Variants in MGAM observed in about 807,000 individuals in gnomAD.
The protein encoded by MGAM is maltase-glucoamylase.
A neutral mutation model predicts 358.8 loss-of-function variants in MGAM; 253 were observed. That is an observed-to-expected ratio of 0.71 (90% CI 0.64 to 0.78). The LOEUF is 0.78. Among genes scored for constraint, MGAM ranks in the 30% least tolerant of loss-of-function variants. The pLI is 0.00. For synonymous variants in MGAM, 1,105 were observed against 1,227.1 expected, an observed-to-expected ratio of 0.90 and a Z score of 2.08; for missense variants, 3,080 against 3,432.6, an observed-to-expected ratio of 0.90 and a Z score of 2.57.
intron 2 of MGAM, among the ~76,000 whole-genome samples, chr7:141,989,651 G>A (rs1554446885): frequency 6.6e-6 from 1 of 151,844 alleles, no homozygotes; most frequent in Non-Finnish European, 1.5e-5. Flanking sequence ...AAACTCCTGG[G>A]CTCAAGTGAT....
chr7:142,059,183 C>A (rs1286166207), intron 31 of MGAM, among the ~76,000 whole-genome samples: 1 of 152,232 alleles, frequency 6.6e-6, no homozygotes, highest in Admixed American at 6.5e-5. Context: ...TGGCAGTTTA[C>A]AAAGCACTTT....
intron 22 of MGAM, among the ~76,000 whole-genome samples, chr7:142,048,418 G>C (rs1423619800): frequency 6.6e-6 from 1 of 151,366 alleles, no homozygotes; most frequent in Non-Finnish European, 1.5e-5. Flanking sequence ...AAAGTGCTGG[G>C]ATTACAGGCA....
chr7:142,053,015 T>C (rs770918861), intron 26 of MGAM, 31 bp downstream of exon 26: 2 of 1,605,960 alleles, frequency 1.2e-6, no homozygotes, highest in South Asian at 2.2e-5. Context: ...AGGTAGTGAT[T>C]AGACCCTTTT....
At position 142,086,238 on chromosome 7, in the gene MGAM, T is replaced by C. The variant is rs750995331; in HGVS notation, c.6657T>C (p.Asn2219=). 3 of 1,540,290 alleles carry C rather than the reference T, an allele frequency of 1.9e-6. No individual in the cohort carries two copies. The highest frequency in any genetic ancestry group is 3.6e-5 in the Admixed American group (2 of 56,284). ...TTCAGGATCCAGCCATTTCTGGCAA[T>C]GAGACACAGCCCTATCCTGCCTTCA... The part of the protein sequence containing the change: ...ILILDPAISG[N]ETQPYPAFTR... Residue 2219 remains asparagine (N), a synonymous_variant, in exon 56 of 71, where the codon AAT becomes AAC. Coordinates refer to ENST00000475668, the MANE Select transcript of MGAM (RefSeq NM_001365693.1).
chr7:142,083,221 A>AG lies in MGAM; in HGVS notation c.6269-80_6269-79insG, dbSNP rs201211464. 9,643 of 1,118,496 alleles carry AG rather than the reference A, an allele frequency of 8.6e-3. 1,152 individuals are homozygous for AG. The highest frequency in any genetic ancestry group is 0.079 in the South Asian group (5,526 of 70,090). 69.3% of individuals were successfully genotyped at this position (1,118,496 alleles called of 1,614,324 possible). On this transcript the variant is annotated intron_variant, in intron 52 of 70. Transcript: ENST00000475668. ...ACTCTACGATAGGGAGGGTGCAGGA[A>AG]ATAGAGAATGTGTGGATTTCAGGGG... is the stretch of plus-strand genomic sequence containing the variant.
chr7:142,046,089 T>C (rs1465229275), intron 21 of MGAM, among the ~76,000 whole-genome samples: 1 of 120,770 alleles, frequency 8.3e-6, no homozygotes, highest in Non-Finnish European at 1.8e-5. Flanking sequence ...AATTTATATG[T>C]GTAATTATAT....
intron 1 of MGAM, 118 bp from the exon 2 acceptor site, chr7:142,005,411 A>G (rs1399899261): frequency 4.4e-6 from 3 of 682,884 alleles, no homozygotes; most frequent in Non-Finnish European, 6.9e-6. Flanking sequence ...TAGATAATGG[A>G]TGCTTGGGAG....
rs1200335769 is a variant in MGAM, at chr7:142,025,088, G to T, written c.921G>T (p.Leu307Phe). ...TGTATGGTGCGCAGACATTCTTCTTGTGCCTTGAAGATGCTAGTGGATTGT... is the reference window on the plus strand; with the variant it reads ...TGTATGGTGCGCAGACATTCTTCTTTTGCCTTGAAGATGCTAGTGGATTGT... ...TNLYGAQTFF[L>F]CLEDASGLSF... Residue 307 changes from leucine (L) to phenylalanine (F), a missense_variant, in exon 8 of 71, where the codon TTG becomes TTT. Leu to Phe is a conservative substitution (Grantham distance 22). Around this residue, in one of 5 missense-constraint regions of MGAM, gnomAD observed 1,816 missense variants for 1,840.5 expected, o/e 0.99. Transcript: ENST00000475668. 14 of 1,613,636 alleles carry T rather than the reference G, an allele frequency of 8.7e-6. No individual in the cohort carries two copies. The highest frequency in any genetic ancestry group is 2.7e-5 in the African/African-American group (2 of 74,918).
rs782138659 is a variant in MGAM at position 142,030,643 on chromosome 7, TC to T, written c.1358del (p.Pro453GlnfsTer22). 6.2e-7 allele frequency: 1 copy of T among 1,610,650 alleles called. No homozygotes were observed. Among genetic ancestry groups the T allele is most frequent in the South Asian group, 1.1e-5 (1 of 91,036 alleles). On this transcript the variant is annotated frameshift_variant, in exon 12 of 71. Transcript: ENST00000475668. LOFTEE classifies it high-confidence loss of function. ...CATTGTATTCTTCCTATTTTTAGGA[TC>T]CAGCCATCTCCAACAACTCTTCCTC... ...NGQKLVIIVD[P>X]AISNNSSSSK... is the part of the protein sequence containing the mutation.
chr7:142,008,524 C>T lies in MGAM; in HGVS notation c.146C>T (p.Thr49Ile), dbSNP rs1805340962. 3.1e-6 allele frequency: 5 copies of T among 1,610,836 alleles called. No homozygotes were observed. The East Asian group carries it at 8.9e-5, about 29-fold the overall frequency. ...LKSTAPDPGT[T>I]GTPDPGTTGT... is the part of the protein sequence containing the mutation. ...GGTATAGCCCCAGATCCTGGGACAA[C>T]TGGTACCCCAGATCCTGGGACAACT... Residue 49 changes from threonine to isoleucine, a missense_variant, in exon 3 of 71, where the codon ACT becomes ATT. Around this residue, in one of 5 missense-constraint regions of MGAM, gnomAD observed 1,816 missense variants for 1,840.5 expected, o/e 0.99. Coordinates refer to ENST00000475668, the MANE Select transcript of MGAM (RefSeq NM_001365693.1).
Position 142,059,774 on chromosome 7 carries a change from A to T in MGAM, c.3949-82A>T, listed in dbSNP as rs1469996422. Reference sequence around the variant, plus strand: ...TGTGCAGGTAGAAGCCAGCGAGTTCACCCTTGAGGAGTTCTCCTTCATTCT... The same window carrying T: ...TGTGCAGGTAGAAGCCAGCGAGTTCTCCCTTGAGGAGTTCTCCTTCATTCT... On this transcript the variant is annotated intron_variant, in intron 32 of 70. Coordinates refer to ENST00000475668, the MANE Select transcript of MGAM (RefSeq NM_001365693.1). The T allele has an allele frequency of 3.2e-6, 5 of 1,565,224 alleles. No homozygotes were observed. The Admixed American group carries it at 9.2e-5, about 29-fold the overall frequency.
In MGAM at chr7:142,076,885, T is replaced by C. The variant is rs13310343; in HGVS notation, c.5493+59T>C. 9.4e-4 allele frequency: 1,410 copies of C among 1,496,104 alleles called. 4 individuals are homozygous for C. Among genetic ancestry groups the C allele is most frequent in the Admixed American group, 1.3e-3 (72 of 55,020 alleles). The allele number at this position is 1,496,104 out of a possible 1,614,324, so 92.7% of individuals were successfully genotyped here. A position where few individuals can be genotyped will look rare whatever the true frequency, so the allele number is the denominator to read the frequency against. ...GAATTCTCCATAGCACCATGATGTT[T>C]CTTCTTGCCAAGTTTGCATGGGTCC... On this transcript the variant is annotated intron_variant, in intron 47 of 70. Coordinates refer to ENST00000475668, the MANE Select transcript of MGAM (RefSeq NM_001365693.1).
chr7:142,036,723 G>T, intron 17 of MGAM, 100 bp from the exon 18 acceptor site: 1 of 1,316,590 alleles, frequency 7.6e-7, no homozygotes, highest in Non-Finnish European at 1.1e-6. Flanking sequence ...TGTCATTCAG[G>T]AGGGAAATTC....
rs1292996900 is a variant in MGAM, at chr7:142,044,034, GACGTATAATATATACATTATATACA to G, written c.2498+3189_2498+3213del. 1.1e-4 allele frequency among the ~76,000 whole-genome samples: 14 copies of G among 129,040 alleles called. 1 individual carries two copies. The highest frequency in any genetic ancestry group is 3.4e-4 in the Admixed American group (4 of 11,784). 84.7% of individuals were successfully genotyped at this position (129,040 alleles called of 152,430 possible). On this transcript the variant is annotated intron_variant, in intron 21 of 70. Transcript: ENST00000475668. ...TAATATATACATTATATACACATAC[GACGTATAATATATACATTATATACA>G]CATACGACGTATAATACATTATATA...
Position 142,052,915 on chromosome 7 carries a change from C to T in MGAM, c.3090C>T (p.Phe1030=), listed in dbSNP as rs372534153. The T allele has an allele frequency of 8.1e-6, 13 of 1,613,902 alleles. No individual in the cohort carries two copies. In the African/African-American group the frequency reaches 1.7e-4, roughly 22 times the overall value. ...SLKSSVYANA[F]PSTPVNPLRL... is the part of the protein sequence containing the mutation. ...AGTCTTCCGTTTATGCCAATGCCTT[C>T]CCCTCCACACCCGTGAACCCCCTTC... Residue 1030 remains phenylalanine, a synonymous_variant, in exon 26 of 71, where the codon TTC becomes TTT. Transcript: ENST00000475668.
In MGAM at chr7:142,056,128, G is replaced by A. The variant is rs1183532964; in HGVS notation, c.3580+32G>A. On this transcript the variant is annotated intron_variant, in intron 29 of 70. Transcript: ENST00000475668. ...CCATCAGCACCTCCCTTATTTTGGG[G>A]GGATACCAATCATGCCTGAGTCAAT... 8 of 1,561,332 alleles carry A rather than the reference G, an allele frequency of 5.1e-6. No homozygotes were observed. The East Asian group carries it at 1.9e-4, about 36-fold the overall frequency.
chr7:142,013,591 A>T (rs1366704865), intron 3 of MGAM, among the ~76,000 whole-genome samples: 2 of 152,166 alleles, frequency 1.3e-5, no homozygotes, highest in Non-Finnish European at 2.9e-5. Flanking sequence ...ACTTTCGAGA[A>T]AGTTTCTAGT....
intron 3 of MGAM, among the ~76,000 whole-genome samples, chr7:142,017,482 C>T (rs1299345428): frequency 1.3e-5 from 2 of 152,180 alleles, no homozygotes; most frequent in African/African-American, 4.8e-5. Context: ...TTTGAGTTGG[C>T]CAACAAAGAC....
At position 142,074,120 on chromosome 7, in the gene MGAM, A is replaced by G. The variant is rs1417839747; in HGVS notation, c.5222A>G (p.Asp1741Gly). ...CCTCTTGGTCTTATTATTGCCCTAG[A>G]TGAAAACAAAGAAGCAAAAGGAGAA... Reference protein sequence around the residue: ...KNPLGLIIALDENKEAKGELF... With the variant: ...KNPLGLIIALGENKEAKGELF... The change falls in exon 45 of 71, where the codon GAT becomes GGT. Residue 1741 changes from aspartate to glycine, a missense_variant. Physicochemically the swap from Asp to Gly is moderately conservative, Grantham distance 94. Transcript: ENST00000475668. 5.2e-6 allele frequency: 8 copies of G among 1,545,818 alleles called. 2 individuals carry two copies. Among genetic ancestry groups the G allele is most frequent in the South Asian group, 1.1e-5 (1 of 88,892 alleles).
Sources: gnomAD v4.1 joint callset for allele counts (sites outside exome capture counted in the v4.1 genomes callset) on GRCh38, gnomAD v4.1.1 for gene constraint, gnomAD v4.1.1 regional missense constraint, MANE v1.5 for transcripts, NCBI Gene and HGNC (gene_info 2026-07-23, HGNC 2026-07-21) for gene names.